Variants in CEP43 observed in about 807,000 individuals in gnomAD.
CEP43 encodes centrosomal protein 43, also known as FGFR1 oncogene partner.
In CEP43, 36 loss-of-function variants were observed where a neutral mutation model predicts 52.6. That is an observed-to-expected ratio of 0.68 (90% confidence interval 0.52 to 0.90). The LOEUF is 0.90. CEP43 is among the 40% of genes least tolerant of loss of function. CEP43 has a pLI of 0.00. For missense variants in CEP43, 506 were observed against 472.8 expected (o/e 1.07, Z -0.65); for synonymous variants, 192 against 172.4 (o/e 1.11, Z -0.89).
chr6:167,016,431 A>G lies in CEP43; in HGVS notation c.579+2864A>G, dbSNP rs1042591476. Among the ~76,000 whole-genome samples the G allele has an allele frequency of 2.0e-5, 3 of 152,170 alleles. No homozygotes were observed. The East Asian group carries it at 5.8e-4, about 29-fold the overall frequency. Reference sequence around the variant, plus strand: ...GCACAGCTGGCTAATTTTTTAAAAAATGTTTTCATGTAGAGGCAGGGGTCT... The same window carrying G: ...GCACAGCTGGCTAATTTTTTAAAAAGTGTTTTCATGTAGAGGCAGGGGTCT... On this transcript the variant is annotated intron_variant, in intron 7 of 12. Transcript: ENST00000366847.
chr6:167,000,418 T>C (rs1779707477), intron 2 of CEP43, among the ~76,000 whole-genome samples: 1 of 152,214 alleles, frequency 6.6e-6, no homozygotes, highest in Admixed American at 6.5e-5. Context: ...TTCACTCAGA[T>C]CCTTTAGTAA....
At chr6:167,036,748 T>G in intron 12 of CEP43, 2 of 984,944 alleles carry the variant, frequency 2.0e-6, no homozygotes, top group African/African-American at 3.5e-5. Context: ...AGTTGGTCAC[T>G]TTGAGTTCTT....
At chr6:167,024,020 C>T (rs1780297305) in intron 8 of CEP43, among the ~76,000 whole-genome samples, 1 of 152,052 alleles carries the variant, frequency 6.6e-6, no homozygotes, top group Non-Finnish European at 1.5e-5. Context: ...TGTATGCTGA[C>T]GAGAGCTGTT....
intron 10 of CEP43, among the ~76,000 whole-genome samples, chr6:167,030,786 C>T (rs1424426370): frequency 1.3e-5 from 2 of 152,058 alleles, no homozygotes; most frequent in Non-Finnish European, 2.9e-5. Context: ...GGCGGTGGTA[C>T]GATTATCTCT....
At position 167,047,244 on chromosome 6, in the gene CEP43, C is replaced by G. The variant is rs1170740357; in HGVS notation, c.*7266C>G. The stretch of plus-strand genomic sequence containing the variant: ...ATCACGAGGGAGGAGCACAGGCCAC[C>G]CTAGACAGGAGGGGTCCCCTACTGA... On this transcript the variant is annotated 3_prime_UTR_variant, in exon 13 of 13. Transcript: ENST00000366847. The G allele has an allele frequency of 6.6e-6, 1 of 152,186 alleles. No homozygotes were observed. Among genetic ancestry groups the G allele is most frequent in the African/African-American group, 2.4e-5 (1 of 41,410 alleles). The allele number at this position is 152,186 out of a possible 1,614,324, so 9.4% of individuals were successfully genotyped here. A position where few individuals can be genotyped will look rare whatever the true frequency, so the allele number is the denominator to read the frequency against.
intron 10 of CEP43, 131 bp downstream of exon 10, chr6:167,026,746 A>G (rs759022415): frequency 7.8e-5 from 50 of 643,408 alleles, no homozygotes; most frequent in Non-Finnish European, 1.2e-4. Flanking sequence ...AGGTGTTTGA[A>G]TGGCTTTTAT....
At chr6:167,025,194 TC>T (rs1780327720) in intron 9 of CEP43, 1 of 190,920 alleles carries the variant, frequency 5.2e-6, no homozygotes, top group Admixed American at 6.1e-5. Context: ...AAATCATCTC[TC>T]CTTTTTTGGA....
intron 7 of CEP43, 140 bp downstream of exon 7, chr6:167,013,707 C>T: frequency 3.0e-6 from 2 of 655,892 alleles, no homozygotes; most frequent in Non-Finnish European, 5.3e-6. Flanking sequence ...GGCTAGGTGG[C>T]TCACGCCTGT....
At position 167,040,118 on chromosome 6, in the gene CEP43, A is replaced by T. The variant is rs765556893; in HGVS notation, c.*140A>T. 29 of 1,569,976 alleles carry T rather than the reference A, an allele frequency of 1.8e-5. 1 individual carries two copies. In the South Asian group the frequency reaches 3.2e-4, roughly 17 times the overall value. ...TTCAAAAACACTGCAGATATTTTTT[A>T]AAAGTAATTTTCATTTTACTAAACA... On this transcript the variant is annotated 3_prime_UTR_variant, in exon 13 of 13. Transcript: ENST00000366847.
At chr6:167,030,032 G>A (rs2128666316) in intron 10 of CEP43, among the ~76,000 whole-genome samples, 1 of 152,372 alleles carries the variant, frequency 6.6e-6, no homozygotes, top group Middle Eastern at 3.4e-3. Context: ...ATGGTGGAAT[G>A]TCATCAGTTA....
intron 3 of CEP43, chr6:167,003,454 A>G (rs1200944003): frequency 3.9e-6 from 2 of 509,150 alleles, no homozygotes; most frequent in Admixed American, 3.8e-5. Context: ...CAGTTTTACT[A>G]CAAAAAGCCA....
At chr6:167,011,993 G>A (rs1313096948) in intron 6 of CEP43, among the ~76,000 whole-genome samples, 2 of 152,140 alleles carry the variant, frequency 1.3e-5, no homozygotes. Flanking sequence ...TTCTTTGACT[G>A]TCCCTTTGAT....
chr6:167,044,568 G>A lies in CEP43; in HGVS notation c.*4590G>A, dbSNP rs1562537782. On this transcript the variant is annotated 3_prime_UTR_variant, in exon 13 of 13. Coordinates refer to ENST00000366847, the MANE Select transcript of CEP43 (RefSeq NM_007045.4). ...GTGGCAGACAGAAGGAAACAGCAAG[G>A]CCTCTGAGGTAGGAGGGACAGCGTT... 3.0e-6 allele frequency: 3 copies of A among 984,480 alleles called. No individual in the cohort carries two copies. The highest frequency in any genetic ancestry group is 3.6e-6 in the Non-Finnish European group (3 of 829,034). The allele number at this position is 984,480 out of a possible 1,614,324, so 61.0% of individuals were successfully genotyped here.
rs1780360260 is a variant in CEP43 at position 167,026,554 on chromosome 6, G to A, written c.927G>A (p.Arg309=). ...APSLKDSESK[R]GNTVLKDLKL... ...ATTTTCTCCTGTTCACAGGTAAAAG[G>A]GGAAATACAGTTTTGAAAGATCTGA... Residue 309 remains arginine (R), a synonymous_variant, in exon 10 of 13, where the codon AGG becomes AGA. Transcript: ENST00000366847. The A allele has an allele frequency of 6.3e-7, 1 of 1,583,808 alleles. No homozygotes were observed. The highest frequency in any genetic ancestry group is 1.3e-5 in the African/African-American group (1 of 74,340).
chr6:167,003,225 A>G lies in CEP43; in HGVS notation c.189A>G (p.Lys63=), dbSNP rs778083401. The change falls in exon 3 of 13, where the codon AAA becomes AAG. Residue 63 remains lysine, a synonymous_variant. Coordinates refer to ENST00000366847, the MANE Select transcript of CEP43 (RefSeq NM_007045.4). ...CTCCTTTAGTTAATGAGAGCCTGAAAAAGTTTTTAAATACCAAAGACGGTA... is the reference window on the plus strand; with the variant it reads ...CTCCTTTAGTTAATGAGAGCCTGAAGAAGTTTTTAAATACCAAAGACGGTA... ...NKTPLVNESL[K]KFLNTKDGRL... 2 of 1,509,960 alleles carry G rather than the reference A, an allele frequency of 1.3e-6. No homozygotes were observed. The highest frequency in any genetic ancestry group is 2.4e-5 in the East Asian group (1 of 41,384). The allele number at this position is 1,509,960 out of a possible 1,614,324, so 93.5% of individuals were successfully genotyped here. A position where few individuals can be genotyped will look rare whatever the true frequency, so the allele number is the denominator to read the frequency against.
intron 7 of CEP43, among the ~76,000 whole-genome samples, chr6:167,018,274 T>A (rs1780145909): frequency 6.6e-6 from 1 of 152,234 alleles, no homozygotes; most frequent in South Asian, 2.1e-4. Flanking sequence ...AAGGTCACAC[T>A]CTGAAGTACT....
intron 12 of CEP43, among the ~76,000 whole-genome samples, chr6:167,035,114 G>C (rs1780556043): frequency 6.6e-6 from 1 of 152,198 alleles, no homozygotes; most frequent in Non-Finnish European, 1.5e-5. Context: ...ATGGCGTCCA[G>C]GAGTCTGGGC....
chr6:167,034,842 G>T (rs746211538), intron 12 of CEP43, among the ~76,000 whole-genome samples: 1 of 152,096 alleles, frequency 6.6e-6, no homozygotes, highest in South Asian at 2.1e-4. Flanking sequence ...TATTTTGAAG[G>T]TTAAATGATA....
At chr6:167,029,681 A>T (rs1428706874) in intron 10 of CEP43, among the ~76,000 whole-genome samples, 1 of 152,232 alleles carries the variant, frequency 6.6e-6, no homozygotes, top group African/African-American at 2.4e-5. Flanking sequence ...TTATTCAGTA[A>T]ATATCTTTGT....
Sources: allele counts gnomAD v4.1 joint callset (sites outside exome capture counted in the v4.1 genomes callset), GRCh38; gene constraint gnomAD v4.1.1; transcripts MANE v1.5; gene names NCBI Gene and HGNC (gene_info 2026-07-23, HGNC 2026-07-21).